Variants in TADA1 observed in about 807,000 individuals in gnomAD.
TADA1 encodes the protein transcriptional adapter 1.
A neutral mutation model predicts 39.3 loss-of-function variants in TADA1; 23 were observed. That is an observed-to-expected ratio of 0.58 (90% CI 0.42 to 0.83). TADA1 has a LOEUF of 0.83. Among genes scored for constraint, TADA1 ranks in the 40% least tolerant of loss-of-function variants. TADA1 has a pLI of 0.00. For missense variants in TADA1, 352 were observed against 408.1 expected (o/e 0.86, Z 1.18); for synonymous variants, 137 against 151.8 (o/e 0.90, Z 0.72).
chr1:166,865,079 A>T (rs150027069), intron 3 of TADA1, among the ~76,000 whole-genome samples: 1 of 141,368 alleles, frequency 7.1e-6, no homozygotes, highest in African/African-American at 2.6e-5. Flanking sequence ...AGAAAGAGCA[A>T]GCTAAAAAAA....
chr1:166,859,357 C>CT (rs1172439770), intron 6 of TADA1, among the ~76,000 whole-genome samples: 1 of 152,310 alleles, frequency 6.6e-6, no homozygotes, highest in East Asian at 1.9e-4. Context: ...CCAGTTATCT[C>CT]TTTACCTCTC....
At position 166,857,538 on chromosome 1, in the gene TADA1, G is replaced by T. The variant is rs1658304473; in HGVS notation, c.*29C>A. 1 of 1,607,294 alleles carries T rather than the reference G, an allele frequency of 6.2e-7. No homozygotes were observed. Among genetic ancestry groups the T allele is most frequent in the African/African-American group, 1.3e-5 (1 of 74,506 alleles). On this transcript the variant is annotated 3_prime_UTR_variant, in exon 8 of 8. Coordinates refer to ENST00000367874, the MANE Select transcript of TADA1 (RefSeq NM_053053.4). ...CAATTTTCAGTAATCAATGAATTCG[G>T]TGAGGGTCCCACACCCTCAAATCCT...
intron 1 of TADA1, among the ~76,000 whole-genome samples, chr1:166,872,685 C>A (rs910630710): frequency 1.3e-5 from 2 of 151,314 alleles, no homozygotes; most frequent in African/African-American, 4.9e-5. Context: ...AAAAAAAAAA[C>A]CAAAGTGATC....
chr1:166,872,136 T>G (rs1216011798), intron 1 of TADA1, among the ~76,000 whole-genome samples: 1 of 152,242 alleles, frequency 6.6e-6, no homozygotes, highest in African/African-American at 2.4e-5. Context: ...TCAACAATAC[T>G]GCTATAGTTT....
chr1:166,858,094 T>C (rs751454148), intron 7 of TADA1, 25 bp downstream of exon 7: 39 of 1,613,118 alleles, frequency 2.4e-5, no homozygotes, highest in Non-Finnish European at 3.1e-5. Flanking sequence ...TAAACCTAGG[T>C]AAACTTTAAG....
chr1:166,876,082 C>G, intron 1 of TADA1, 78 bp downstream of exon 1: 1 of 1,406,384 alleles, frequency 7.1e-7, no homozygotes. Context: ...ACGCGGGCGT[C>G]TCCGGGGCGG....
chr1:166,858,216 G>C lies in TADA1; in HGVS notation c.758C>G (p.Ala253Gly). The change falls in exon 7 of 8, where the codon GCT becomes GGT. Residue 253 changes from alanine to glycine, a missense_variant. Transcript: ENST00000367874. Reference protein sequence around the residue: ...NPASHPPPDDAEQQAALLLAC... With the variant: ...NPASHPPPDDGEQQAALLLAC... ...CAGCAGGAGTGCAGCCTGCTGCTCA[G>C]CATCATCAGGGGGTGGGTGAGAAGC... 1 of 1,612,880 alleles carries C rather than the reference G, an allele frequency of 6.2e-7. No homozygotes were observed. Among genetic ancestry groups the C allele is most frequent in the Non-Finnish European group, 8.5e-7 (1 of 1,179,546 alleles).
intron 3 of TADA1, 147 bp downstream of exon 3, chr1:166,869,298 A>G (rs1207460003): frequency 1.8e-6 from 1 of 565,420 alleles, no homozygotes; most frequent in South Asian, 2.8e-5. Flanking sequence ...AAGATTCTGT[A>G]AAAGAATTTG....
At chr1:166,860,126 T>C in intron 6 of TADA1, 60 bp downstream of exon 6, 1 of 1,498,248 alleles carries the variant, frequency 6.7e-7, no homozygotes, top group East Asian at 2.3e-5. Context: ...CAATGGTCTA[T>C]AAGAGGAGTA....
Position 166,862,215 on chromosome 1 carries a change from G to A in TADA1, c.528C>T (p.Val176=), listed in dbSNP as rs1466249701. 2.5e-6 allele frequency: 4 copies of A among 1,613,228 alleles called. No homozygotes were observed. The highest frequency in any genetic ancestry group is 3.4e-6 in the Non-Finnish European group (4 of 1,179,896). ...ACAGCAAACCAACCTCCACAGCATA[G>A]ACAACAGCTGAAACAGCCTCCTCGG... is the stretch of plus-strand genomic sequence containing the variant. ...NVTEEAVSAV[V]YAVENHLKDI... The change falls in exon 5 of 8, where the codon GTC becomes GTT. Residue 176 remains valine, a synonymous_variant. Transcript: ENST00000367874.
intron 1 of TADA1, among the ~76,000 whole-genome samples, chr1:166,874,071 G>C (rs1002114994): frequency 2.0e-5 from 3 of 151,774 alleles, no homozygotes; most frequent in Non-Finnish European, 4.4e-5. Context: ...GGCTGGGCGC[G>C]GTGGCTCACG....
At chr1:166,868,440 C>CG (rs36096895) in intron 3 of TADA1, among the ~76,000 whole-genome samples, 4,443 of 152,322 alleles carry the variant, frequency 0.029, 107 homozygotes, top group East Asian at 0.13. Context: ...CTCCCCACTA[C>CG]GGACACCTTT....
At chr1:166,869,687 A>C in intron 2 of TADA1, 76 bp downstream of exon 2, 13 of 1,526,388 alleles carry the variant, frequency 8.5e-6, no homozygotes, top group Non-Finnish European at 6.3e-6. Context: ...TTTACTTTTT[A>C]AAAAGGGAAA....
At chr1:166,867,433 G>A (rs933043815) in intron 3 of TADA1, among the ~76,000 whole-genome samples, 1 of 152,200 alleles carries the variant, frequency 6.6e-6, no homozygotes, top group African/African-American at 2.4e-5. Flanking sequence ...ATCTGACACA[G>A]TGTAAGAATG....
At chr1:166,868,959 AGAG>A in intron 3 of TADA1, 1 of 197,176 alleles carries the variant, frequency 5.1e-6, no homozygotes, top group Admixed American at 5.0e-5. Flanking sequence ...GTGTTAGAAA[AGAG>A]TAGTGCCACA....
chr1:166,876,050 A>T, intron 1 of TADA1, 110 bp downstream of exon 1: 2 of 1,086,820 alleles, frequency 1.8e-6, no homozygotes, highest in Non-Finnish European at 2.5e-6. Flanking sequence ...CGCGGACTCC[A>T]GGCTGCACAG....
chr1:166,863,368 A>C (rs527605869), intron 4 of TADA1, among the ~76,000 whole-genome samples: 1 of 152,184 alleles, frequency 6.6e-6, no homozygotes, highest in Non-Finnish European at 1.5e-5. Flanking sequence ...ATACACTGAA[A>C]AAAGCAATTT....
At position 166,858,145 on chromosome 1, in the gene TADA1, T is replaced by C. The variant is rs1264614352; in HGVS notation, c.829A>G (p.Met277Val). Reference protein sequence around the residue: ...TLPASLPPVNMYDLFEALQVH... With the variant: ...TLPASLPPVNVYDLFEALQVH... Reference sequence around the variant, plus strand: ...TGCAAAGCTTCAAAAAGATCGTACATGTTCACCGGAGGCAAAGATGCAGGT... The same window carrying C: ...TGCAAAGCTTCAAAAAGATCGTACACGTTCACCGGAGGCAAAGATGCAGGT... The change falls in exon 7 of 8, where the codon ATG becomes GTG. Residue 277 changes from methionine (M) to valine (V), a missense_variant. Met to Val is a conservative substitution (Grantham distance 21). This residue lies in a region of TADA1 where 285 missense variants were observed against 310.9 expected (regional missense o/e 0.92). Coordinates refer to ENST00000367874, the MANE Select transcript of TADA1 (RefSeq NM_053053.4). 33 of 1,614,026 alleles carry C rather than the reference T, an allele frequency of 2.0e-5. No homozygotes were observed. The highest frequency in any genetic ancestry group is 2.6e-5 in the Non-Finnish European group (31 of 1,180,014).
rs1449237161 is a variant in TADA1, at chr1:166,857,519, T to G, written c.*48A>C. On this transcript the variant is annotated 3_prime_UTR_variant, in exon 8 of 8. Transcript: ENST00000367874. Reference sequence around the variant, plus strand: ...TGTGGACCCAAAAAACATTCAATTTTCAGTAATCAATGAATTCGGTGAGGG... The same window carrying G: ...TGTGGACCCAAAAAACATTCAATTTGCAGTAATCAATGAATTCGGTGAGGG... 2.5e-6 allele frequency: 4 copies of G among 1,603,288 alleles called. No homozygotes were observed. The highest frequency in any genetic ancestry group is 3.4e-6 in the Non-Finnish European group (4 of 1,174,722).
Sources: allele counts gnomAD v4.1 joint callset (sites outside exome capture counted in the v4.1 genomes callset), GRCh38; gene constraint gnomAD v4.1.1; regional missense constraint gnomAD v4.1.1; transcripts MANE v1.5; gene names NCBI Gene and HGNC (gene_info 2026-07-23, HGNC 2026-07-21).